PCGF5: variants seen among roughly 807,000 people sequenced by gnomAD.
The protein encoded by PCGF5 is polycomb group ring finger 5.
PCGF5 carries 9 observed loss-of-function variants against 44.3 expected under a neutral mutation model. That is an observed-to-expected ratio of 0.20 (90% CI 0.12 to 0.35). The LOEUF is 0.35. Ranked by LOEUF, PCGF5 falls within the 10% of genes least tolerant of loss-of-function variation. PCGF5 has a pLI of 1.00. For synonymous variants in PCGF5, 95 were observed against 102.5 expected, an observed-to-expected ratio of 0.93 and a Z score of 0.44; for missense variants, 146 against 305.3, an observed-to-expected ratio of 0.48 and a Z score of 3.89.
chr10:91,216,977 C>G (rs1844552485), upstream of PCGF5, among the ~76,000 whole-genome samples: 1 of 152,084 alleles, frequency 6.6e-6, no homozygotes, highest in African/African-American at 2.4e-5. Context: ...GTTAAAGACA[C>G]TCTATGTTAA....
intron 1 of PCGF5, among the ~76,000 whole-genome samples, chr10:91,179,816 G>T (rs1843786027): frequency 6.6e-6 from 1 of 152,152 alleles, no homozygotes; most frequent in African/African-American, 2.4e-5. Flanking sequence ...ACATATGCAT[G>T]CATGTGTCTT....
At chr10:91,189,782 T>C (rs866918553) in intron 1 of PCGF5, among the ~76,000 whole-genome samples, 1 of 152,250 alleles carries the variant, frequency 6.6e-6, no homozygotes, top group South Asian at 2.1e-4. Flanking sequence ...AAGAAGCATC[T>C]GAGCCAGTAT....
At chr10:91,162,650 C>G (rs1843406229), upstream of PCGF5, among the ~76,000 whole-genome samples, 1 of 151,220 alleles carries the variant, frequency 6.6e-6, no homozygotes, top group Admixed American at 6.6e-5. Context: ...CGCCGCGGCT[C>G]GTCCCCTCCA....
In PCGF5 at chr10:91,248,491, C is replaced by A. The variant is rs758464955; in HGVS notation, c.210-14C>A. On this transcript the variant is annotated splice_polypyrimidine_tract_variant and intron_variant, in intron 3 of 9. Transcript: ENST00000336126. ...TCTTCATTGTTAGTATTTTCTTTCTCCCCCCTTTCGAAGGTTGGACAATAC... is the reference window on the plus strand; with the variant it reads ...TCTTCATTGTTAGTATTTTCTTTCTACCCCCTTTCGAAGGTTGGACAATAC... 3.1e-6 allele frequency: 5 copies of A among 1,605,762 alleles called. No individual in the cohort carries two copies. Among genetic ancestry groups the A allele is most frequent in the Non-Finnish European group, 4.3e-6 (5 of 1,172,998 alleles).
chr10:91,240,680 T>G (rs1055907380), intron 3 of PCGF5, 100 bp downstream of exon 3: 4 of 669,934 alleles, frequency 6.0e-6, no homozygotes, highest in Non-Finnish European at 2.5e-6. Context: ...CTTGACTCAG[T>G]TAATATAGGA....
intron 8 of PCGF5, among the ~76,000 whole-genome samples, chr10:91,268,087 C>T (rs558377808): frequency 6.4e-4 from 97 of 151,950 alleles, no homozygotes; most frequent in Middle Eastern, 3.4e-3. Flanking sequence ...CATGTCTGTG[C>T]GTATGTGTGT....
chr10:91,163,866 C>T (rs1371832412), intron 1 of PCGF5, among the ~76,000 whole-genome samples: 1 of 152,108 alleles, frequency 6.6e-6, no homozygotes, highest in Non-Finnish European at 1.5e-5. Flanking sequence ...GACGGACGTG[C>T]CCGCTGCTCC....
At chr10:91,176,188 A>G (rs1373406982) in intron 1 of PCGF5, among the ~76,000 whole-genome samples, 1 of 152,204 alleles carries the variant, frequency 6.6e-6, no homozygotes, top group African/African-American at 2.4e-5. Flanking sequence ...TTGGCTGGAT[A>G]TGAAATTCTG....
intron 1 of PCGF5, among the ~76,000 whole-genome samples, chr10:91,173,578 C>CTGTTTTTTTTTTTTTTTTTTT (rs1843650564): frequency 8.6e-6 from 1 of 115,628 alleles, no homozygotes; most frequent in Admixed American, 9.8e-5. Flanking sequence ...AGGGAGTTGG[C>CTGTTTTTTTTTTTTTTTTTTT]TTTTTTTTTT....
intron 8 of PCGF5, among the ~76,000 whole-genome samples, chr10:91,265,573 T>G (rs1263976508): frequency 6.6e-6 from 1 of 151,986 alleles, no homozygotes; most frequent in East Asian, 1.9e-4. Flanking sequence ...CACACAAGAA[T>G]AAGAAATAAG....
intron 1 of PCGF5, among the ~76,000 whole-genome samples, chr10:91,196,226 G>A (rs1483725354): frequency 2.0e-5 from 3 of 152,194 alleles, no homozygotes; most frequent in African/African-American, 7.2e-5. Flanking sequence ...GAATGTCAGT[G>A]CCAAGAGAAG....
At chr10:91,262,102 C>T (rs1352287363) in intron 7 of PCGF5, among the ~76,000 whole-genome samples, 1 of 152,162 alleles carries the variant, frequency 6.6e-6, no homozygotes, top group Non-Finnish European at 1.5e-5. Flanking sequence ...CCCTTCTTCC[C>T]TTTCGAGTTC....
At chr10:91,264,408 A>T in intron 7 of PCGF5, 23 bp from the exon 8 acceptor site, 5 of 1,537,844 alleles carry the variant, frequency 3.3e-6, no homozygotes, top group Non-Finnish European at 4.4e-6. Context: ...ATGTTAATAG[A>T]TCTATAATGA....
At chr10:91,275,424 A>G (rs1159967747) in intron 9 of PCGF5, among the ~76,000 whole-genome samples, 1 of 150,786 alleles carries the variant, frequency 6.6e-6, no homozygotes, top group African/African-American at 2.5e-5. Context: ...TTAAAAATGT[A>G]GAAAAATAAA....
intron 1 of PCGF5, among the ~76,000 whole-genome samples, chr10:91,206,923 C>A (rs1168443873): frequency 6.6e-6 from 1 of 152,202 alleles, no homozygotes; most frequent in Non-Finnish European, 1.5e-5. Context: ...GCCCCAGAGT[C>A]CCTCTTGGTT....
chr10:91,174,917 A>G (rs1176077209), intron 1 of PCGF5, among the ~76,000 whole-genome samples: 10 of 152,240 alleles, frequency 6.6e-5, no homozygotes, highest in Admixed American at 5.2e-4. Context: ...GAGAAGAGGC[A>G]TCAGCAAATT....
At chr10:91,180,010 AT>A (rs926249361) in intron 1 of PCGF5, among the ~76,000 whole-genome samples, 2 of 150,578 alleles carry the variant, frequency 1.3e-5, no homozygotes, top group African/African-American at 2.4e-5. Flanking sequence ...ACCAGCACCT[AT>A]TTTTTTTTAC....
upstream of PCGF5, chr10:91,162,964 C>A: frequency 6.9e-6 from 1 of 145,296 alleles, no homozygotes; most frequent in South Asian, 2.0e-4. Context: ...GCTCGCACCC[C>A]CGCTGCCCCG....
intron 7 of PCGF5, among the ~76,000 whole-genome samples, chr10:91,263,420 A>G (rs1845972682): frequency 6.6e-6 from 1 of 152,136 alleles, no homozygotes; most frequent in Admixed American, 6.6e-5. Flanking sequence ...AAAATCAATA[A>G]TTTTGCTTCA....
Sources: gnomAD v4.1 joint callset for allele counts (sites outside exome capture counted in the v4.1 genomes callset) on GRCh38, gnomAD v4.1.1 for gene constraint, MANE v1.5 for transcripts, NCBI Gene and HGNC (gene_info 2026-07-23, HGNC 2026-07-21) for gene names.